The following ZFP69B variants were observed in gnomAD, a reference collection of about 807,000 sequenced individuals.
ZFP69B encodes ZFP69 zinc finger protein B.
A neutral mutation model predicts 19.7 loss-of-function variants in ZFP69B; 20 were observed. The observed-to-expected ratio is 1.02, with a 90% confidence interval of 0.71 to 1.48. The LOEUF (loss-of-function observed/expected upper bound fraction) is 1.48. ZFP69B is among the 40% of genes most tolerant of loss of function. ZFP69B has a pLI of 0.00. For missense variants in ZFP69B, 583 were observed against 632.6 expected (o/e 0.92, Z 0.84); for synonymous variants, 220 against 222.7 (o/e 0.99, Z 0.11).
At chr1:40,460,225 A>G (rs1381710824) in intron 4 of ZFP69B, among the ~76,000 whole-genome samples, 1 of 152,218 alleles carries the variant, frequency 6.6e-6, no homozygotes, top group Non-Finnish European at 1.5e-5. Context: ...GTGTATAATG[A>G]TGTACTATGG....
rs138830380 is a variant in ZFP69B at position 40,462,062 on chromosome 1, T to TTTTG, written c.437-331_437-328dup. Among the ~76,000 whole-genome samples the TTTTG allele has an allele frequency of 4.7e-3, 716 of 151,008 alleles. 4 individuals carry two copies. Among genetic ancestry groups the TTTTG allele is most frequent in the African/African-American group, 9.6e-3 (391 of 40,888 alleles). The stretch of plus-strand genomic sequence containing the variant: ...AGGCACACACCACCATGCCTGGTTT[T>TTTTG]TTTGTTTGTTTGTTTGTTTGTTTGT... On this transcript the variant is annotated intron_variant, in intron 4 of 4. Coordinates refer to ENST00000361584, the MANE Select transcript of ZFP69B (RefSeq NM_023070.3).
chr1:40,455,581 G>GT (rs1359238166), intron 2 of ZFP69B, among the ~76,000 whole-genome samples: 1 of 152,004 alleles, frequency 6.6e-6, no homozygotes, highest in Non-Finnish European at 1.5e-5. Flanking sequence ...CTTTTGGGAG[G>GT]TTTTTGTTTG....
At position 40,462,451 on chromosome 1, in the gene ZFP69B, C is replaced by T; in HGVS notation, c.467C>T (p.Ser156Leu). 1 of 1,598,746 alleles carries T rather than the reference C, an allele frequency of 6.3e-7. No individual in the cohort carries two copies. ...AAGAGCAAAACAAAAACCAAAGAGT[C>T]AGCCTTACAGAATGATATTTCGTGG... ...DLKSKTKTKE[S>L]ALQNDISWEE... is the part of the protein sequence containing the mutation. The change falls in exon 5 of 5, where the codon TCA becomes TTA. Residue 156 changes from serine to leucine, a missense_variant. Ser to Leu is a moderately radical substitution (Grantham distance 145). Transcript: ENST00000361584.
intron 4 of ZFP69B, among the ~76,000 whole-genome samples, chr1:40,458,294 A>G (rs913407459): frequency 6.6e-6 from 1 of 152,114 alleles, no homozygotes; most frequent in Non-Finnish European, 1.5e-5. Context: ...TCTATCAACT[A>G]GTTTAATAAT....
rs1483111131 is a variant in ZFP69B at position 40,454,215 on chromosome 1, A to G, written c.140A>G (p.Gln47Arg). The change falls in exon 2 of 5, where the codon CAG becomes CGG. Residue 47 changes from glutamine (Q) to arginine (R), a missense_variant. Physicochemically the swap from Gln to Arg is conservative, Grantham distance 43 (BLOSUM62 1). Coordinates refer to ENST00000361584, the MANE Select transcript of ZFP69B (RefSeq NM_023070.3). ...KMFKAEALLS[Q>R]DADETQGESL... ...TTTCCTTCCCCAGCTCTGCTGTCTC[A>G]GGATGCTGATGAGACCCAGGGCGAA... 1.3e-6 allele frequency: 2 copies of G among 1,599,240 alleles called. No homozygotes were observed. Among genetic ancestry groups the G allele is most frequent in the Admixed American group, 1.7e-5 (1 of 59,264 alleles).
chr1:40,455,093 G>A (rs184317435), intron 2 of ZFP69B, among the ~76,000 whole-genome samples: 1 of 152,280 alleles, frequency 6.6e-6, no homozygotes, highest in Admixed American at 6.5e-5. Flanking sequence ...AGAGAAATGA[G>A]TAGAGAAGAT....
chr1:40,460,616 G>A (rs975764782), intron 4 of ZFP69B, among the ~76,000 whole-genome samples: 19 of 152,158 alleles, frequency 1.2e-4, no homozygotes, highest in East Asian at 7.7e-4. Context: ...AGGCCGAGGC[G>A]GGCAGATCAC....
rs1203176011 is a variant in ZFP69B at position 40,462,569 on chromosome 1, A to G, written c.585A>G (p.Leu195=). The G allele has an allele frequency of 8.7e-6, 14 of 1,614,134 alleles. No individual in the cohort carries two copies. The highest frequency in any genetic ancestry group is 2.7e-5 in the African/African-American group (2 of 75,052). Residue 195 remains leucine (L), a synonymous_variant, in exon 5 of 5, where the codon CTA becomes CTG. Transcript: ENST00000361584. ...TLGRISKCNK[L]ESQQENQRMG... Reference sequence around the variant, plus strand: ...GAAGAATCTCCAAATGTAATAAGCTAGAAAGCCAACAAGAGAACCAAAGAA... The same window carrying G: ...GAAGAATCTCCAAATGTAATAAGCTGGAAAGCCAACAAGAGAACCAAAGAA...
chr1:40,455,187 G>T (rs56073749), intron 2 of ZFP69B, among the ~76,000 whole-genome samples: 7,834 of 152,236 alleles, frequency 0.051, 311 homozygotes, highest in Non-Finnish European at 0.079. Flanking sequence ...ACAGTGTGCC[G>T]TGTGTCCTAA....
chr1:40,453,479 A>G (rs1645204407), intron 1 of ZFP69B, among the ~76,000 whole-genome samples: 1 of 152,234 alleles, frequency 6.6e-6, no homozygotes, highest in African/African-American at 2.4e-5. Flanking sequence ...TTTGGGAAGC[A>G]TAGGAGAGAA....
intron 1 of ZFP69B, among the ~76,000 whole-genome samples, 176 bp from the exon 2 acceptor site, chr1:40,454,027 G>C (rs539437448): frequency 6.6e-6 from 1 of 152,306 alleles, no homozygotes; most frequent in Admixed American, 6.5e-5. Flanking sequence ...AATGGTGAAA[G>C]CAGCTTGCAG....
chr1:40,454,343 G>A (rs1032518901), intron 2 of ZFP69B, 55 bp downstream of exon 2: 52 of 1,299,862 alleles, frequency 4.0e-5, no homozygotes, highest in Non-Finnish European at 5.0e-5. Context: ...TTTTAAGAGC[G>A]CAGGAGTTTG....
chr1:40,450,937 C>G lies in ZFP69B; in HGVS notation c.-25C>G. 1 of 1,534,270 alleles carries G rather than the reference C, an allele frequency of 6.5e-7. No homozygotes were observed. The highest frequency in any genetic ancestry group is 8.8e-7 in the Non-Finnish European group (1 of 1,138,946). On this transcript the variant is annotated 5_prime_UTR_variant, in exon 1 of 5. Coordinates refer to ENST00000361584, the MANE Select transcript of ZFP69B (RefSeq NM_023070.3). ...GCCCTATGGGCTAAGACAGAGGGTC[C>G]TCAGAAAGGAGTGCGGACGCCGTCA...
rs560817924 is a variant in ZFP69B at position 40,453,132 on chromosome 1, T to C, written c.128-1071T>C. Among the ~76,000 whole-genome samples, 72 of 152,134 alleles carry C rather than the reference T, an allele frequency of 4.7e-4. 1 individual carries two copies. In the South Asian group the frequency reaches 0.014, roughly 30 times the overall value. ...CCTGCCACCACGCCCAGCTAATTTT[T>C]GTATTTTTAGTAGAGACGGTGTTTT... is the stretch of plus-strand genomic sequence containing the variant. On this transcript the variant is annotated intron_variant, in intron 1 of 4. Coordinates refer to ENST00000361584, the MANE Select transcript of ZFP69B (RefSeq NM_023070.3).
chr1:40,450,241 G>T (rs981569280), upstream of ZFP69B: 2 of 152,296 alleles, frequency 1.3e-5, no homozygotes, highest in Non-Finnish European at 2.9e-5. Context: ...TCCGCCCGCG[G>T]CCACCCTGTC....
In ZFP69B at chr1:40,450,752, G is replaced by C. The variant is rs1405873110; in HGVS notation, c.-210G>C. On this transcript the variant is annotated 5_prime_UTR_variant, in exon 1 of 5. Transcript: ENST00000361584. The stretch of plus-strand genomic sequence containing the variant: ...AGTTGGGAGATACGCCCTGAGAGCC[G>C]ATGATAGACACAAGTCCAGATCTCG... The C allele has an allele frequency of 5.1e-6, 2 of 391,018 alleles. No homozygotes were observed. Among genetic ancestry groups the C allele is most frequent in the Admixed American group, 9.6e-5 (2 of 20,842 alleles). 24.2% of individuals were successfully genotyped at this position (391,018 alleles called of 1,614,324 possible). A position where few individuals can be genotyped will look rare whatever the true frequency, so the allele number is the denominator to read the frequency against.
At position 40,463,348 on chromosome 1, in the gene ZFP69B, C is replaced by G. The variant is rs61748790; in HGVS notation, c.1364C>G (p.Ala455Gly). 2.5e-6 allele frequency: 4 copies of G among 1,614,108 alleles called. No homozygotes were observed. The highest frequency in any genetic ancestry group is 1.1e-5 in the South Asian group (1 of 91,082). Residue 455 changes from alanine (A) to glycine (G), a missense_variant, in exon 5 of 5, where the codon GCC (alanine) becomes GGC (glycine). Ala to Gly is a moderately conservative substitution (Grantham distance 60). Transcript: ENST00000361584. ...RPYKCKECGK[A>G]FSQRIHLSIH... ...TATAAATGTAAGGAATGTGGGAAAG[C>G]CTTTAGCCAGAGAATACATCTTTCT... is the stretch of plus-strand genomic sequence containing the variant.
intron 4 of ZFP69B, among the ~76,000 whole-genome samples, chr1:40,458,516 T>G (rs563818098): frequency 5.1e-4 from 76 of 150,388 alleles, no homozygotes; most frequent in African/African-American, 1.8e-3. Flanking sequence ...GAAATTGTTT[T>G]TTTTTTTTTT....
At chr1:40,457,479 G>C in intron 4 of ZFP69B, 40 bp downstream of exon 4, 1 of 1,570,468 alleles carries the variant, frequency 6.4e-7, no homozygotes, top group Non-Finnish European at 8.8e-7. Flanking sequence ...ATGTTAGCCA[G>C]AGAATTCCCC....
Sources: gnomAD v4.1 joint callset for allele counts (sites outside exome capture counted in the v4.1 genomes callset) on GRCh38, gnomAD v4.1.1 for gene constraint, MANE v1.5 for transcripts, NCBI Gene and HGNC (gene_info 2026-07-23, HGNC 2026-07-21) for gene names.